NHLRC2: variants seen among roughly 807,000 people sequenced by gnomAD.
NHLRC2 encodes the protein NHL repeat containing 2, also known as NHL repeat-containing protein 2.
Under a neutral mutation model 68.1 loss-of-function variants are expected in NHLRC2, and 33 were observed. The ratio of observed to expected loss-of-function variants is 0.48; its 90% CI spans 0.37 to 0.65. NHLRC2 has a LOEUF of 0.65. Ranked by LOEUF, NHLRC2 falls within the 30% of genes least tolerant of loss-of-function variation. The pLI, the probability that NHLRC2 is intolerant of heterozygous loss-of-function variation, is 0.00. For synonymous variants in NHLRC2, 311 were observed against 309.6 expected (o/e 1.00, Z -0.05); for missense variants, 761 against 853.8 (o/e 0.89, Z 1.35).
intron 2 of NHLRC2, among the ~76,000 whole-genome samples, chr10:113,867,054 A>G (rs1467063419): frequency 6.6e-6 from 1 of 152,230 alleles, no homozygotes; most frequent in African/African-American, 2.4e-5. Context: ...TCATGTAGGC[A>G]GCTTCTGCCT....
At position 113,880,116 on chromosome 10, in the gene NHLRC2, T is replaced by G. The variant is rs536197425; in HGVS notation, c.909+421T>G. 4.6e-5 allele frequency among the ~76,000 whole-genome samples: 7 copies of G among 152,188 alleles called. No individual in the cohort carries two copies. The South Asian group carries it at 1.2e-3, about 27-fold the overall frequency. On this transcript the variant is annotated intron_variant, in intron 4 of 10. Transcript: ENST00000369301. ...CTGATTAGCCAATTCGTCTTAAAAC[T>G]TGTTTGATTTTATTATGTGTCCTTA... is the stretch of plus-strand genomic sequence containing the variant.
chr10:113,859,097 T>C (rs1435588311), intron 2 of NHLRC2, among the ~76,000 whole-genome samples: 2 of 152,156 alleles, frequency 1.3e-5, no homozygotes, highest in Non-Finnish European at 2.9e-5. Flanking sequence ...TTCATTAATA[T>C]TGAATGACAT....
chr10:113,874,134 CTTTTA>C (rs1845955540), intron 2 of NHLRC2, among the ~76,000 whole-genome samples: 1 of 152,028 alleles, frequency 6.6e-6, no homozygotes, highest in East Asian at 1.9e-4. Context: ...TTACATTTAT[CTTTTA>C]TTAATCTTTG....
At position 113,916,405 on chromosome 10, in the gene NHLRC2, G is replaced by A. The variant is rs1056901617; in HGVS notation, c.*7869G>A. ...ACAGATATGGCAGAACAATTTTGTT[G>A]TAGTATTTTTTTCCGTAGCATTTCT... is the stretch of plus-strand genomic sequence containing the variant. On this transcript the variant is annotated 3_prime_UTR_variant, in exon 11 of 11. Transcript: ENST00000369301. 6.6e-6 allele frequency: 1 copy of A among 152,112 alleles called. No individual in the cohort carries two copies. The highest frequency in any genetic ancestry group is 1.5e-5 in the Non-Finnish European group (1 of 68,018). 9.4% of individuals were successfully genotyped at this position (152,112 alleles called of 1,614,324 possible).
intron 2 of NHLRC2, among the ~76,000 whole-genome samples, chr10:113,875,351 G>A (rs1487454500): frequency 6.6e-6 from 1 of 152,098 alleles, no homozygotes; most frequent in African/African-American, 2.4e-5. Context: ...CTGTAGTTTA[G>A]GGGTTAAACA....
chr10:113,871,216 G>A (rs1051245245), intron 2 of NHLRC2, among the ~76,000 whole-genome samples: 1 of 151,974 alleles, frequency 6.6e-6, no homozygotes, highest in African/African-American at 2.4e-5. Context: ...TAGAGACAGA[G>A]TTTCTCCATG....
chr10:113,882,206 G>T (rs76430232), intron 4 of NHLRC2, among the ~76,000 whole-genome samples: 1,997 of 151,728 alleles, frequency 0.013, 41 homozygotes, highest in African/African-American at 0.044. Context: ...TTTTTATTTG[G>T]CATGGGTAGA....
chr10:113,910,749 ACT>A lies in NHLRC2; in HGVS notation c.*2216_*2217del, dbSNP rs1352902796. On this transcript the variant is annotated 3_prime_UTR_variant, in exon 11 of 11. Coordinates refer to ENST00000369301, the MANE Select transcript of NHLRC2 (RefSeq NM_198514.4). ...GTGAAAATGCAAAGGCATTTTTTAG[ACT>A]CTATTCCCCTTCATTTGTCTAGACA... is the stretch of plus-strand genomic sequence containing the variant. 2 of 152,014 alleles carry A rather than the reference ACT, an allele frequency of 1.3e-5. No individual in the cohort carries two copies. Among genetic ancestry groups the A allele is most frequent in the African/African-American group, 2.4e-5 (1 of 41,378 alleles). 9.4% of individuals were successfully genotyped at this position (152,014 alleles called of 1,614,324 possible). A position where few individuals can be genotyped will look rare whatever the true frequency, so the allele number is the denominator to read the frequency against.
At chr10:113,882,475 G>A (rs1401344854) in intron 4 of NHLRC2, among the ~76,000 whole-genome samples, 1 of 151,568 alleles carries the variant, frequency 6.6e-6, no homozygotes, top group Non-Finnish European at 1.5e-5. Flanking sequence ...ACCTTTTCCT[G>A]TGCTTATGGG....
At chr10:113,874,895 C>T (rs57502477) in intron 2 of NHLRC2, among the ~76,000 whole-genome samples, 7,381 of 151,702 alleles carry the variant, frequency 0.049, 581 homozygotes, top group African/African-American at 0.17. Flanking sequence ...TTTTTAGTTA[C>T]TTTTTATAAT....
chr10:113,870,831 A>C (rs913989286), intron 2 of NHLRC2, among the ~76,000 whole-genome samples: 1 of 152,096 alleles, frequency 6.6e-6, no homozygotes, highest in Non-Finnish European at 1.5e-5. Context: ...TTACCAATCT[A>C]ATAGATAGGA....
In NHLRC2 at chr10:113,882,430, G is replaced by A. The variant is rs549477306; in HGVS notation, c.910-1821G>A. The stretch of plus-strand genomic sequence containing the variant: ...TGAAGTGGCATCTCATTGTGGTTTT[G>A]ATATGCATTTCCCTTATGACTAATG... On this transcript the variant is annotated intron_variant, in intron 4 of 10. Coordinates refer to ENST00000369301, the MANE Select transcript of NHLRC2 (RefSeq NM_198514.4). Among the ~76,000 whole-genome samples the A allele has an allele frequency of 5.5e-4, 84 of 151,800 alleles. No homozygotes were observed. In the Middle Eastern group the frequency reaches 0.01, roughly 18 times the overall value.
Position 113,854,795 on chromosome 10 carries a change from C to T in NHLRC2, c.-78C>T. ...AGGTGAATGCGCCGTTTGGAAACCA[C>T]AGGACAGTGAACGTTTCGTCTCTCC... On this transcript the variant is annotated 5_prime_UTR_variant, in exon 1 of 11. Transcript: ENST00000369301. The T allele has an allele frequency of 7.8e-7, 1 of 1,282,546 alleles. No homozygotes were observed. The highest frequency in any genetic ancestry group is 1.1e-6 in the Non-Finnish European group (1 of 937,960). 79.4% of individuals were successfully genotyped at this position (1,282,546 alleles called of 1,614,324 possible). A position where few individuals can be genotyped will look rare whatever the true frequency, so the allele number is the denominator to read the frequency against.
chr10:113,902,326 A>G lies in NHLRC2; in HGVS notation c.1372-145A>G, dbSNP rs1479530097. 6.6e-6 allele frequency: 4 copies of G among 609,588 alleles called. No individual in the cohort carries two copies. In the South Asian group the frequency reaches 6.7e-5, roughly 10 times the overall value. The allele number at this position is 609,588 out of a possible 1,614,324, so 37.8% of individuals were successfully genotyped here. ...ATTTTTTTTCTAATCTGAATGAAGT[A>G]TCCAACCCTATTTATATGAAAATCA... is the stretch of plus-strand genomic sequence containing the variant. On this transcript the variant is annotated intron_variant, in intron 7 of 10. Coordinates refer to ENST00000369301, the MANE Select transcript of NHLRC2 (RefSeq NM_198514.4).
At chr10:113,900,453 T>A (rs1846217673) in intron 6 of NHLRC2, among the ~76,000 whole-genome samples, 1 of 152,198 alleles carries the variant, frequency 6.6e-6, no homozygotes, top group African/African-American at 2.4e-5. Context: ...AATTTCCTCA[T>A]AAGTAGAGTT....
chr10:113,905,097 T>C (rs1846264958), intron 10 of NHLRC2, 61 bp downstream of exon 10: 1 of 904,308 alleles, frequency 1.1e-6, no homozygotes, highest in African/African-American at 1.7e-5. Flanking sequence ...AATCTAGTTA[T>C]TTTTTATTTG....
Position 113,915,518 on chromosome 10 carries a change from G to C in NHLRC2, c.*6982G>C. 3.9e-6 allele frequency: 1 copy of C among 256,726 alleles called. No individual in the cohort carries two copies. The highest frequency in any genetic ancestry group is 4.1e-5 in the South Asian group (1 of 24,178). The allele number at this position is 256,726 out of a possible 1,614,324, so 15.9% of individuals were successfully genotyped here. A position where few individuals can be genotyped will look rare whatever the true frequency, so the allele number is the denominator to read the frequency against. On this transcript the variant is annotated 3_prime_UTR_variant, in exon 11 of 11. Coordinates refer to ENST00000369301, the MANE Select transcript of NHLRC2 (RefSeq NM_198514.4). ...ACTACCTTTTGCTTTTAATATACCT[G>C]GTTATCTATTTCCATTTGAAATAAA...
chr10:113,890,942 A>T (rs1846124512), intron 5 of NHLRC2, among the ~76,000 whole-genome samples: 1 of 152,184 alleles, frequency 6.6e-6, no homozygotes, highest in South Asian at 2.1e-4. Context: ...GCCAAGAGAG[A>T]GTACCAAGGG....
At chr10:113,872,309 A>G (rs1440461528) in intron 2 of NHLRC2, among the ~76,000 whole-genome samples, 1 of 152,210 alleles carries the variant, frequency 6.6e-6, no homozygotes, top group Non-Finnish European at 1.5e-5. Flanking sequence ...CACCAATGCT[A>G]TTCATCAATG....
Sources: gnomAD v4.1 joint callset for allele counts (sites outside exome capture counted in the v4.1 genomes callset) on GRCh38, gnomAD v4.1.1 for gene constraint, MANE v1.5 for transcripts, NCBI Gene and HGNC (gene_info 2026-07-23, HGNC 2026-07-21) for gene names.